The following CNTLN variants were observed in gnomAD, a reference collection of about 807,000 sequenced individuals.
CNTLN encodes centlein, also known as centlein, centrosomal protein.
In CNTLN, 212 loss-of-function variants were observed where a neutral mutation model predicts 180.0. That is an observed-to-expected ratio of 1.18 (90% CI 1.05 to 1.32). The LOEUF is 1.32. Ranked by LOEUF, CNTLN falls within the 40% of genes most tolerant of loss-of-function variation. CNTLN has a pLI of 0.00. For missense variants in CNTLN, 2,095 were observed against 1,610.9 expected (o/e 1.30, Z -5.14); for synonymous variants, 722 against 563.1 (o/e 1.28, Z -3.99).
intron 3 of CNTLN, among the ~76,000 whole-genome samples, chr9:17,231,125 G>A (rs1421349604): frequency 1.3e-5 from 2 of 151,982 alleles, no homozygotes; most frequent in Non-Finnish European, 1.5e-5. Context: ...TTTTCTTATT[G>A]TGTAAATGAG....
At chr9:17,390,295 A>G (rs564944599) in intron 14 of CNTLN, among the ~76,000 whole-genome samples, 1 of 122,338 alleles carries the variant, frequency 8.2e-6, no homozygotes, top group Non-Finnish European at 1.6e-5. Flanking sequence ...GCTGGAGTAC[A>G]GTGGGCAGTG....
At chr9:17,395,279 G>A (rs1199704231) in intron 15 of CNTLN, among the ~76,000 whole-genome samples, 1 of 152,132 alleles carries the variant, frequency 6.6e-6, no homozygotes, top group East Asian at 1.9e-4. Context: ...ACTTGAATAG[G>A]TGCCAGGAAA....
chr9:17,319,140 T>C (rs1484444334), intron 8 of CNTLN, among the ~76,000 whole-genome samples: 1 of 152,184 alleles, frequency 6.6e-6, no homozygotes, highest in Admixed American at 6.5e-5. Flanking sequence ...GTATGTCATT[T>C]TGTTAAGGGC....
At chr9:17,201,206 T>C (rs1445409895) in intron 2 of CNTLN, among the ~76,000 whole-genome samples, 3 of 152,296 alleles carry the variant, frequency 2.0e-5, no homozygotes, top group Admixed American at 6.5e-5. Context: ...TGGATAAGCT[T>C]TTTTGATGTG....
intron 12 of CNTLN, among the ~76,000 whole-genome samples, chr9:17,356,552 G>A (rs10756875): frequency 0.59 from 89,083 of 151,946 alleles, 26,428 homozygotes; most frequent in East Asian, 0.73. Flanking sequence ...CAGGTAAACC[G>A]TTATAGCTAA....
intron 6 of CNTLN, among the ~76,000 whole-genome samples, chr9:17,282,436 T>C (rs1013624914): frequency 2.6e-5 from 4 of 152,192 alleles, no homozygotes; most frequent in African/African-American, 9.6e-5. Context: ...TAAATGGGGC[T>C]GTTTGTTTTT....
chr9:17,377,612 G>A (rs998569944), intron 13 of CNTLN, among the ~76,000 whole-genome samples: 4 of 152,052 alleles, frequency 2.6e-5, no homozygotes, highest in Admixed American at 6.6e-5. Context: ...AGGAATGAAA[G>A]TAGCCATATT....
At chr9:17,259,427 T>G (rs961972468) in intron 5 of CNTLN, among the ~76,000 whole-genome samples, 11 of 143,064 alleles carry the variant, frequency 7.7e-5, no homozygotes, top group African/African-American at 2.8e-4. Flanking sequence ...GATATTGGTC[T>G]AAAATTCTCT....
chr9:17,331,588 A>G (rs1288283452), intron 9 of CNTLN, among the ~76,000 whole-genome samples: 1 of 151,988 alleles, frequency 6.6e-6, no homozygotes, highest in Non-Finnish European at 1.5e-5. Context: ...TTGTTAAGAT[A>G]ATTGTTTTTG....
chr9:17,290,920 G>T (rs1180856593), intron 6 of CNTLN, among the ~76,000 whole-genome samples: 3 of 152,170 alleles, frequency 2.0e-5, no homozygotes, highest in Non-Finnish European at 2.9e-5. Flanking sequence ...GCACTCCCTA[G>T]TGAGAGAAAC....
downstream of CNTLN, among the ~76,000 whole-genome samples, chr9:17,505,004 A>C (rs187923076): frequency 4.6e-5 from 7 of 152,294 alleles, no homozygotes; most frequent in Admixed American, 3.3e-4. Context: ...TATGTTCATG[A>C]GGGATATTGG....
intron 6 of CNTLN, among the ~76,000 whole-genome samples, chr9:17,288,258 A>G (rs4641158): frequency 0.35 from 33,011 of 93,802 alleles, 9,921 homozygotes; most frequent in African/African-American, 0.69. Context: ...CCTTCATTTC[A>G]TTATGTACCC....
At position 17,416,005 on chromosome 9, in the gene CNTLN, C is replaced by A; in HGVS notation, c.2930C>A (p.Ser977Ter). ...EKYKNITAQK[S>*]SSNIILLRER... Reference sequence around the variant, plus strand: ...TACAAAAATATAACTGCCCAGAAATCAAGTAGCAATATTATTTTATTACGA... The same window carrying A: ...TACAAAAATATAACTGCCCAGAAATAAAGTAGCAATATTATTTTATTACGA... The change falls in exon 18 of 26, where the codon TCA becomes TAA. Residue 977 changes from serine (S) to a stop codon, truncating the protein, a stop_gained. Coordinates refer to ENST00000380647, the MANE Select transcript of CNTLN (RefSeq NM_017738.4). LOFTEE classifies it high-confidence loss of function. The A allele has an allele frequency of 1.2e-6, 2 of 1,612,434 alleles. No individual in the cohort carries two copies. Among genetic ancestry groups the A allele is most frequent in the South Asian group, 2.2e-5 (2 of 90,478 alleles).
chr9:17,486,564 T>C (rs1290839373), intron 24 of CNTLN, among the ~76,000 whole-genome samples: 1 of 152,118 alleles, frequency 6.6e-6, no homozygotes, highest in East Asian at 1.9e-4. Context: ...CCATGTTCTA[T>C]TCTGTTTGTA....
At chr9:17,310,475 A>G (rs1819053968) in intron 8 of CNTLN, among the ~76,000 whole-genome samples, 1 of 152,244 alleles carries the variant, frequency 6.6e-6, no homozygotes, top group African/African-American at 2.4e-5. Context: ...ATGTATCTCT[A>G]GATGAGAACT....
At position 17,484,395 on chromosome 9, in the gene CNTLN, C is replaced by T; in HGVS notation, c.3956C>T (p.Thr1319Ile). Residue 1319 changes from threonine (T) to isoleucine (I), a missense_variant, in exon 24 of 26, where the codon ACC becomes ATC. By Grantham distance (89) the Thr-to-Ile change is moderately conservative. Transcript: ENST00000380647. The stretch of plus-strand genomic sequence containing the variant: ...AACAGGGACGCCTGTAAAACCTCAA[C>T]CCATAAAGCCCAGACCTTGGCAGCT... ...KKNRDACKTS[T>I]HKAQTLAASI... 1 of 1,612,750 alleles carries T rather than the reference C, an allele frequency of 6.2e-7. No individual in the cohort carries two copies. The highest frequency in any genetic ancestry group is 8.5e-7 in the Non-Finnish European group (1 of 1,179,508).
At chr9:17,226,884 G>T (rs1159233593) in intron 3 of CNTLN, among the ~76,000 whole-genome samples, 1 of 151,776 alleles carries the variant, frequency 6.6e-6, no homozygotes, top group East Asian at 1.9e-4. Flanking sequence ...GAGAGACAGG[G>T]CATGGTGAGG....
rs982811536 is a variant in CNTLN at position 17,464,478 on chromosome 9, C to T, written c.3405-19C>T. 3.3e-6 allele frequency: 5 copies of T among 1,524,110 alleles called. No individual in the cohort carries two copies. Among genetic ancestry groups the T allele is most frequent in the Non-Finnish European group, 4.4e-6 (5 of 1,143,320 alleles). The allele number at this position is 1,524,110 out of a possible 1,614,324, so 94.4% of individuals were successfully genotyped here. ...AGGTATTTTCTGTCACTCTTGATGTCACCTTTTTTTTTTTCAAGGATATCT... is the reference window on the plus strand; with the variant it reads ...AGGTATTTTCTGTCACTCTTGATGTTACCTTTTTTTTTTTCAAGGATATCT... On this transcript the variant is annotated intron_variant, in intron 20 of 25. Transcript: ENST00000380647.
At chr9:17,409,977 G>A (rs570769575) in intron 16 of CNTLN, among the ~76,000 whole-genome samples, 65 of 152,118 alleles carry the variant, frequency 4.3e-4, no homozygotes, top group Admixed American at 1.0e-3. Context: ...GAAAAATTAA[G>A]GAAAGTTCAT....
Sources: gnomAD v4.1 joint callset for allele counts (sites outside exome capture counted in the v4.1 genomes callset) on GRCh38, gnomAD v4.1.1 for gene constraint, MANE v1.5 for transcripts, NCBI Gene and HGNC (gene_info 2026-07-23, HGNC 2026-07-21) for gene names.